Variants in COX18 observed in about 807,000 individuals in gnomAD.
The protein encoded by COX18 is cytochrome c oxidase assembly factor COX18.
A neutral mutation model predicts 38.0 loss-of-function variants in COX18; 45 were observed. The observed-to-expected ratio is 1.18, with a 90% CI of 0.93 to 1.52. The LOEUF (loss-of-function observed/expected upper bound fraction) is 1.52. Among genes scored for constraint, COX18 ranks in the 40% most tolerant of loss-of-function variants. The pLI is 0.00. For missense variants in COX18, 462 were observed against 423.8 expected (o/e 1.09, Z -0.79); for synonymous variants, 177 against 169.8 (o/e 1.04, Z -0.33).
chr4:73,067,864 A>AAAATATATATATATATATAT, intron 2 of COX18, among the ~76,000 whole-genome samples, 165 bp downstream of exon 2: 1 of 20,022 alleles, frequency 5.0e-5, no homozygotes, highest in Non-Finnish European at 1.6e-4. Flanking sequence ...AAAAAAAAAA[A>AAAATATATATATATATATAT]ATATATATAT....
intron 5 of COX18, 53 bp downstream of exon 5, chr4:73,061,760 T>C (rs1720170255): frequency 1.1e-6 from 1 of 871,032 alleles, no homozygotes; most frequent in African/African-American, 1.8e-5. Flanking sequence ...CAGTCTAAGC[T>C]AAAGTCAGAG....
At chr4:73,067,244 CT>C (rs1409769496) in intron 2 of COX18, among the ~76,000 whole-genome samples, 2 of 152,164 alleles carry the variant, frequency 1.3e-5, no homozygotes, top group Non-Finnish European at 2.9e-5. Flanking sequence ...CCTGCTGTAT[CT>C]TTTCCAAAAG....
rs189709178 is a variant in COX18, at chr4:73,061,896, T to C, written c.748A>G (p.Met250Val). Residue 250 changes from methionine (M) to valine (V), a missense_variant, in exon 5 of 6, where the codon ATG becomes GTG. Coordinates refer to ENST00000507544, the MANE Select transcript of COX18 (RefSeq NM_001297732.2). ...VEICALQKIG[M>V]SRFQTYITYF... ...GTAATATACGTCTGAAAACGAGACA[T>C]TCCAATTTTTTGTAGAGCACAAATC... 75 of 1,611,580 alleles carry C rather than the reference T, an allele frequency of 4.7e-5. No individual in the cohort carries two copies. Among genetic ancestry groups the C allele is most frequent in the Non-Finnish European group, 5.7e-5 (67 of 1,178,028 alleles).
chr4:73,066,900 A>C (rs1173323286), intron 2 of COX18, among the ~76,000 whole-genome samples: 2 of 152,042 alleles, frequency 1.3e-5, no homozygotes, highest in Non-Finnish European at 2.9e-5. Flanking sequence ...CAACTATATA[A>C]AAATATATGG....
chr4:73,065,994 G>A lies in COX18; in HGVS notation c.435-581C>T, dbSNP rs184001277. The stretch of plus-strand genomic sequence containing the variant: ...ATACAGTCTTCCTTCAGGTCCAAGA[G>A]AATAGGAGTTAAAAAACAAAAACTA... On this transcript the variant is annotated intron_variant, in intron 2 of 5. Transcript: ENST00000507544. Among the ~76,000 whole-genome samples, 48 of 152,290 alleles carry A rather than the reference G, an allele frequency of 3.2e-4. No homozygotes were observed. In the East Asian group the frequency reaches 8.9e-3, roughly 28 times the overall value.
intron 4 of COX18, among the ~76,000 whole-genome samples, chr4:73,062,162 T>A (rs1720204108): frequency 6.6e-6 from 1 of 152,030 alleles, no homozygotes; most frequent in Non-Finnish European, 1.5e-5. Context: ...GCTCAAGTGA[T>A]CCTCCCGCCT....
rs765586532 is a variant in COX18 at position 73,053,971 on chromosome 4, C to G, written c.*4143G>C. ...TAAATTGATCCAGGAGTGAGTCTCC[C>G]TTCCTGACTCTTGAAATGAGAAGCA... is the stretch of plus-strand genomic sequence containing the variant. On this transcript the variant is annotated 3_prime_UTR_variant, in exon 6 of 6. Coordinates refer to ENST00000507544, the MANE Select transcript of COX18 (RefSeq NM_001297732.2). 1 of 152,190 alleles carries G rather than the reference C, an allele frequency of 6.6e-6. No individual in the cohort carries two copies. Among genetic ancestry groups the G allele is most frequent in the African/African-American group, 2.4e-5 (1 of 41,456 alleles). 9.4% of individuals were successfully genotyped at this position (152,190 alleles called of 1,614,324 possible).
At chr4:73,067,685 A>G (rs1457590493) in intron 2 of COX18, among the ~76,000 whole-genome samples, 1 of 150,662 alleles carries the variant, frequency 6.6e-6, no homozygotes, top group Non-Finnish European at 1.5e-5. Flanking sequence ...TACTAAAAAT[A>G]CAAAATTAGC....
chr4:73,065,484 G>A, intron 2 of COX18, 71 bp from the exon 3 acceptor site: 1 of 1,315,010 alleles, frequency 7.6e-7, no homozygotes, highest in Non-Finnish European at 1.1e-6. Flanking sequence ...TATTTCCATA[G>A]CACAAATAGC....
At chr4:73,059,253 T>C (rs1265627126) in intron 5 of COX18, among the ~76,000 whole-genome samples, 2 of 152,242 alleles carry the variant, frequency 1.3e-5, no homozygotes. Flanking sequence ...CATGCAGTTG[T>C]TAAGTCTAGG....
Position 73,055,372 on chromosome 4 carries a change from C to T in COX18, c.*2742G>A, listed in dbSNP as rs552862446. 9.2e-5 allele frequency: 14 copies of T among 152,314 alleles called. No individual in the cohort carries two copies. The highest frequency in any genetic ancestry group is 3.1e-4 in the African/African-American group (13 of 41,564). The allele number at this position is 152,314 out of a possible 1,614,324, so 9.4% of individuals were successfully genotyped here. A position where few individuals can be genotyped will look rare whatever the true frequency, so the allele number is the denominator to read the frequency against. On this transcript the variant is annotated 3_prime_UTR_variant, in exon 6 of 6. Transcript: ENST00000507544. Reference sequence around the variant, plus strand: ...ATACCAAATCACTGCTCCTAGAAAACATACAGGGTTAGGTTTCTGCAAGCT... The same window carrying T: ...ATACCAAATCACTGCTCCTAGAAAATATACAGGGTTAGGTTTCTGCAAGCT...
In COX18 at chr4:73,067,133, C is replaced by G. The variant is rs115296609; in HGVS notation, c.434+896G>C. Reference sequence around the variant, plus strand: ...GGGACTTTCCAAGAACCCAGGCAGACAACTGCACAGAATAACCACAAAGGA... The same window carrying G: ...GGGACTTTCCAAGAACCCAGGCAGAGAACTGCACAGAATAACCACAAAGGA... On this transcript the variant is annotated intron_variant, in intron 2 of 5. Coordinates refer to ENST00000507544, the MANE Select transcript of COX18 (RefSeq NM_001297732.2). Among the ~76,000 whole-genome samples, 552 of 152,334 alleles carry G rather than the reference C, an allele frequency of 3.6e-3. 3 individuals are homozygous for G. Among genetic ancestry groups the G allele is most frequent in the Non-Finnish European group, 5.0e-3 (341 of 68,036 alleles).
chr4:73,064,930 A>G (rs1388817050), intron 3 of COX18, 28 bp from the exon 4 acceptor site: 4 of 1,604,128 alleles, frequency 2.5e-6, no homozygotes, highest in East Asian at 2.2e-5. Context: ...ATAAAACAAT[A>G]GAAGTCCTAA....
chr4:73,067,602 G>A (rs989880760), intron 2 of COX18, among the ~76,000 whole-genome samples: 1 of 151,674 alleles, frequency 6.6e-6, no homozygotes, highest in Non-Finnish European at 1.5e-5. Flanking sequence ...AGCACTTTGG[G>A]AGGCCGAGGA....
chr4:73,061,932 G>A lies in COX18; in HGVS notation c.724-12C>T. On this transcript the variant is annotated splice_polypyrimidine_tract_variant and intron_variant, in intron 4 of 5. Transcript: ENST00000507544. Reference sequence around the variant, plus strand: ...TGTAGAGCACAAATCTGAAGGGGTAGAACATATACATGCATAATGATTATT... The same window carrying A: ...TGTAGAGCACAAATCTGAAGGGGTAAAACATATACATGCATAATGATTATT... The A allele has an allele frequency of 7.4e-7, 1 of 1,359,776 alleles. No homozygotes were observed. The highest frequency in any genetic ancestry group is 1.1e-6 in the Non-Finnish European group (1 of 951,054). The allele number at this position is 1,359,776 out of a possible 1,614,324, so 84.2% of individuals were successfully genotyped here.
rs755709438 is a variant in COX18 at position 73,056,544 on chromosome 4, G to A, written c.*1570C>T. On this transcript the variant is annotated 3_prime_UTR_variant, in exon 6 of 6. Coordinates refer to ENST00000507544, the MANE Select transcript of COX18 (RefSeq NM_001297732.2). ...GTATTCTTTCTGAGCAGGGCCGGGA[G>A]GCAACATCATCTACCATGTTAGGGA... 1 of 152,138 alleles carries A rather than the reference G, an allele frequency of 6.6e-6. No individual in the cohort carries two copies. The highest frequency in any genetic ancestry group is 1.5e-5 in the Non-Finnish European group (1 of 68,048). 9.4% of individuals were successfully genotyped at this position (152,138 alleles called of 1,614,324 possible). A position where few individuals can be genotyped will look rare whatever the true frequency, so the allele number is the denominator to read the frequency against.
Position 73,057,120 on chromosome 4 carries a change from CATTAAAAAA to C in COX18, c.*985_*993del. ...TAGGTGACAGAGAGAGACTCTGTCTCATTAAAAAAATTAAAAAAAAAAAATGCTGGGTGA... is the reference window on the plus strand; with the variant it reads ...TAGGTGACAGAGAGAGACTCTGTCTCATTAAAAAAAAAAAATGCTGGGTGA... On this transcript the variant is annotated 3_prime_UTR_variant, in exon 6 of 6. Coordinates refer to ENST00000507544, the MANE Select transcript of COX18 (RefSeq NM_001297732.2). 1 of 148,522 alleles carries C rather than the reference CATTAAAAAA, an allele frequency of 6.7e-6. No homozygotes were observed. The highest frequency in any genetic ancestry group is 2.5e-5 in the African/African-American group (1 of 40,072). The allele number at this position is 148,522 out of a possible 1,614,324, so 9.2% of individuals were successfully genotyped here. A position where few individuals can be genotyped will look rare whatever the true frequency, so the allele number is the denominator to read the frequency against.
rs1327057749 is a variant in COX18 at position 73,055,235 on chromosome 4, T to C, written c.*2879A>G. On this transcript the variant is annotated 3_prime_UTR_variant, in exon 6 of 6. Transcript: ENST00000507544. ...TTCCTCTTTTTACTATGACCTAAGC[T>C]GCACACACATTTCTGCCTCTGCATC... 1 of 152,262 alleles carries C rather than the reference T, an allele frequency of 6.6e-6. No homozygotes were observed. Among genetic ancestry groups the C allele is most frequent in the East Asian group, 1.9e-4 (1 of 5,202 alleles). The allele number at this position is 152,262 out of a possible 1,614,324, so 9.4% of individuals were successfully genotyped here.
chr4:73,064,807 C>T lies in COX18; in HGVS notation c.694G>A (p.Val232Ile). The T allele has an allele frequency of 6.2e-7, 1 of 1,613,886 alleles. No individual in the cohort carries two copies. Among genetic ancestry groups the T allele is most frequent in the Non-Finnish European group, 8.5e-7 (1 of 1,179,838 alleles). Residue 232 changes from valine to isoleucine, a missense_variant, in exon 4 of 6, where the codon GTT becomes ATT. Physicochemically the swap from Val to Ile is conservative, Grantham distance 29. Transcript: ENST00000507544. ...ACTATTAACAAATTGATGACGCCAA[C>T]AGAGATAGGCAGAATCCAAGTGGAG... ...PDSTWILPIS[V>I]GVINLLIVEI... is the part of the protein sequence containing the mutation.
Sources: allele counts gnomAD v4.1 joint callset (sites outside exome capture counted in the v4.1 genomes callset), GRCh38; gene constraint gnomAD v4.1.1; transcripts MANE v1.5; gene names NCBI Gene and HGNC (gene_info 2026-07-23, HGNC 2026-07-21).